OXR1: variants seen among roughly 807,000 people sequenced by gnomAD.
OXR1 encodes oxidation resistance protein 1.
Under a neutral mutation model 104.6 loss-of-function variants are expected in OXR1, and 41 were observed. That is an observed-to-expected ratio of 0.39 (90% CI 0.31 to 0.51). OXR1 has a LOEUF of 0.51. Ranked by LOEUF, OXR1 falls within the 20% of genes least tolerant of loss-of-function variation. The pLI is 0.77. For missense variants in OXR1, 955 were observed against 1,031.9 expected, an observed-to-expected ratio of 0.93 and a Z score of 1.02; for synonymous variants, 348 against 348.4, an observed-to-expected ratio of 1.00 and a Z score of 0.01.
chr8:106,451,528 T>G (rs565424116), intron 2 of OXR1, among the ~76,000 whole-genome samples: 3 of 152,320 alleles, frequency 2.0e-5, no homozygotes, highest in African/African-American at 7.2e-5. Context: ...TCAATTTATA[T>G]AATGATTGTT....
intron 1 of OXR1, among the ~76,000 whole-genome samples, chr8:106,322,645 C>T (rs1045379902): frequency 6.6e-6 from 1 of 152,198 alleles, no homozygotes; most frequent in South Asian, 2.1e-4. Context: ...CTTATCAACT[C>T]ATCCTAAAAG....
At position 106,274,737 on chromosome 8, in the gene OXR1, T is replaced by C. The variant is rs116310097; in HGVS notation, c.-139+4370T>C. 9.9e-3 allele frequency among the ~76,000 whole-genome samples: 1,502 copies of C among 152,068 alleles called. 15 individuals carry two copies. Among genetic ancestry groups the C allele is most frequent in the African/African-American group, 0.033 (1,363 of 41,490 alleles). On this transcript the variant is annotated intron_variant, in intron 1 of 16. Coordinates refer to ENST00000517566, the MANE Select transcript of OXR1 (RefSeq NM_001198533.2). ...GCCTTTGTTTTTCACAAAGGCAACC[T>C]CAGTTTCTCTGCTTCTATATTTACT...
At chr8:106,628,541 T>C in intron 3 of OXR1, among the ~76,000 whole-genome samples, 1 of 152,174 alleles carries the variant, frequency 6.6e-6, no homozygotes, top group Non-Finnish European at 1.5e-5. Context: ...CTTGGCACAT[T>C]TCCTAGTGTA....
At position 106,270,314 on chromosome 8, in the gene OXR1, C is replaced by T. The variant is rs1811739590; in HGVS notation, c.-192C>T. 1.3e-5 allele frequency: 2 copies of T among 152,376 alleles called. No individual in the cohort carries two copies. Among genetic ancestry groups the T allele is most frequent in the South Asian group, 2.1e-4 (1 of 4,878 alleles). The allele number at this position is 152,376 out of a possible 1,614,324, so 9.4% of individuals were successfully genotyped here. On this transcript the variant is annotated 5_prime_UTR_variant, in exon 1 of 17. Coordinates refer to ENST00000517566, the MANE Select transcript of OXR1 (RefSeq NM_001198533.2). ...CCAGCCCCGCCGAGAGGGGCGCACT[C>T]GCCGCCGCGGGGCCCGCCGCCGCTC...
chr8:106,618,052 C>A, intron 3 of OXR1: 1 of 1,530,896 alleles, frequency 6.5e-7, no homozygotes, highest in South Asian at 1.2e-5. Flanking sequence ...GGCACTCTGG[C>A]AGAAAGGAAA....
chr8:106,731,360 G>A (rs1188351714), intron 11 of OXR1, among the ~76,000 whole-genome samples: 1 of 152,124 alleles, frequency 6.6e-6, no homozygotes, highest in Non-Finnish European at 1.5e-5. Context: ...CTAGTCTGTA[G>A]CTTGTCTTTT....
At chr8:106,697,447 A>G (rs1830154302) in intron 7 of OXR1, 2 of 1,556,810 alleles carry the variant, frequency 1.3e-6, no homozygotes, top group African/African-American at 2.7e-5. Context: ...TGTGGCATCC[A>G]GTAGCCAGTC....
In OXR1 at chr8:106,733,989, ATT is replaced by A. The variant is rs34442106; in HGVS notation, c.1957-3513_1957-3512del. 6.6e-3 allele frequency among the ~76,000 whole-genome samples: 931 copies of A among 140,602 alleles called. 5 individuals carry two copies. The highest frequency in any genetic ancestry group is 0.018 in the African/African-American group (692 of 39,366). 92.2% of individuals were successfully genotyped at this position (140,602 alleles called of 152,430 possible). ...ACTTCACTAATAGAATTAATTCTGG[ATT>A]TTTTTTTTTTTTTTTTTAAGACAGG... On this transcript the variant is annotated intron_variant, in intron 11 of 16. Transcript: ENST00000517566.
At position 106,694,642 on chromosome 8, in the gene OXR1, TA is replaced by T. The variant is rs1453734611; in HGVS notation, c.675+1766del. ...TATATTTGATATATAAATATATGTT[TA>T]TATATATTTGATATATAAATATATG... On this transcript the variant is annotated intron_variant, in intron 7 of 16. Coordinates refer to ENST00000517566, the MANE Select transcript of OXR1 (RefSeq NM_001198533.2). Among the ~76,000 whole-genome samples the T allele has an allele frequency of 3.1e-4, 10 of 32,082 alleles. No individual in the cohort carries two copies. In the East Asian group the frequency reaches 3.8e-3, roughly 12 times the overall value. The allele number at this position is 32,082 out of a possible 152,430, so 21.0% of individuals were successfully genotyped here. A position where few individuals can be genotyped will look rare whatever the true frequency, so the allele number is the denominator to read the frequency against.
intron 2 of OXR1, among the ~76,000 whole-genome samples, chr8:106,445,839 C>T (rs1291825247): frequency 6.6e-6 from 1 of 152,180 alleles, no homozygotes; most frequent in Non-Finnish European, 1.5e-5. Context: ...GCAGCTCCTC[C>T]TGGAGAACAG....
intron 1 of OXR1, among the ~76,000 whole-genome samples, chr8:106,309,937 C>A (rs1461941724): frequency 6.6e-6 from 1 of 151,690 alleles, no homozygotes; most frequent in Non-Finnish European, 1.5e-5. Flanking sequence ...CTTAGGGAAA[C>A]CATGTTCAAC....
At chr8:106,526,223 T>A (rs1193467930) in intron 3 of OXR1, among the ~76,000 whole-genome samples, 1 of 152,212 alleles carries the variant, frequency 6.6e-6, no homozygotes, top group East Asian at 1.9e-4. Context: ...CAGCTCTAAC[T>A]GGGAACTCAA....
intron 11 of OXR1, among the ~76,000 whole-genome samples, chr8:106,724,654 G>A (rs747954906): frequency 6.6e-6 from 1 of 152,164 alleles, no homozygotes; most frequent in Admixed American, 6.6e-5. Context: ...AATACTCCAG[G>A]TGATATTGAT....
chr8:106,509,172 G>C (rs999975708), intron 2 of OXR1, among the ~76,000 whole-genome samples: 10 of 152,120 alleles, frequency 6.6e-5, no homozygotes, highest in African/African-American at 2.4e-4. Flanking sequence ...ATCTCTGTGA[G>C]TTACTGCAAA....
At chr8:106,331,997 A>T (rs1814734529) in intron 1 of OXR1, among the ~76,000 whole-genome samples, 1 of 138,080 alleles carries the variant, frequency 7.2e-6, no homozygotes, top group Non-Finnish European at 1.6e-5. Flanking sequence ...GAAAGAACAT[A>T]GTGTGTGTGT....
intron 3 of OXR1, among the ~76,000 whole-genome samples, chr8:106,597,411 A>G (rs1819616458): frequency 6.6e-6 from 1 of 152,210 alleles, no homozygotes; most frequent in Admixed American, 6.5e-5. Flanking sequence ...ATCATGAGAA[A>G]TAGATTTCTG....
At chr8:106,714,918 A>C (rs959635044) in intron 11 of OXR1, among the ~76,000 whole-genome samples, 1 of 152,142 alleles carries the variant, frequency 6.6e-6, no homozygotes, top group East Asian at 1.9e-4. Flanking sequence ...CATTCTGTGT[A>C]GTATATACAG....
intron 1 of OXR1, among the ~76,000 whole-genome samples, chr8:106,348,894 A>G (rs1370705627): frequency 6.6e-6 from 1 of 152,198 alleles, no homozygotes; most frequent in African/African-American, 2.4e-5. Context: ...CAAGCGTAAT[A>G]GTTAGGTTGT....
intron 3 of OXR1, among the ~76,000 whole-genome samples, chr8:106,561,115 G>GT (rs1037991010): frequency 7.9e-5 from 12 of 151,668 alleles, no homozygotes; most frequent in African/African-American, 2.2e-4. Context: ...AGCTGCAGGA[G>GT]TTTTTTTTTC....
Sources: gnomAD v4.1 joint callset for allele counts (sites outside exome capture counted in the v4.1 genomes callset) on GRCh38, gnomAD v4.1.1 for gene constraint, MANE v1.5 for transcripts, NCBI Gene and HGNC (gene_info 2026-07-23, HGNC 2026-07-21) for gene names.